RUNDC3B: variants seen among roughly 807,000 people sequenced by gnomAD.
RUNDC3B encodes the protein RUN domain-containing protein 3B.
Under a neutral mutation model 58.4 loss-of-function variants are expected in RUNDC3B, and 33 were observed. The ratio of observed to expected loss-of-function variants is 0.56; its 90% CI spans 0.43 to 0.75. RUNDC3B has a LOEUF of 0.75. Among genes scored for constraint, RUNDC3B ranks in the 30% least tolerant of loss-of-function variants. The pLI, the probability that RUNDC3B is intolerant of heterozygous loss-of-function variation, is 0.00. For missense variants in RUNDC3B, 501 were observed against 535.7 expected, an observed-to-expected ratio of 0.94 and a Z score of 0.64; for synonymous variants, 193 against 195.2, an observed-to-expected ratio of 0.99 and a Z score of 0.10.
At chr7:87,694,056 T>C (rs937297350) in intron 2 of RUNDC3B, 3 of 1,558,758 alleles carry the variant, frequency 1.9e-6, no homozygotes, top group African/African-American at 1.4e-5. Flanking sequence ...TCTTTTTTAG[T>C]ACATTGCATG....
chr7:87,742,835 C>T (rs1381406552), intron 6 of RUNDC3B, among the ~76,000 whole-genome samples: 9 of 152,032 alleles, frequency 5.9e-5, no homozygotes, highest in Admixed American at 2.0e-4. Flanking sequence ...GAACTAAGGC[C>T]GGGCACAGTG....
intron 9 of RUNDC3B, among the ~76,000 whole-genome samples, chr7:87,808,334 G>C (rs1386118689): frequency 6.6e-6 from 1 of 150,590 alleles, no homozygotes; most frequent in African/African-American, 2.4e-5. Context: ...TAGAGTCCTT[G>C]CTTGTAAATT....
chr7:87,813,807 G>T (rs1836863556), intron 9 of RUNDC3B, among the ~76,000 whole-genome samples: 1 of 151,354 alleles, frequency 6.6e-6, no homozygotes. Context: ...GTGAAACCCC[G>T]TCTCTACTAA....
intron 1 of RUNDC3B, among the ~76,000 whole-genome samples, chr7:87,642,297 T>C (rs1171740972): frequency 6.6e-6 from 1 of 152,098 alleles, no homozygotes; most frequent in Non-Finnish European, 1.5e-5. Context: ...CATTCTAGTG[T>C]TGATAAACCA....
chr7:87,757,240 C>T lies in RUNDC3B; in HGVS notation c.630-13341C>T, dbSNP rs536962356. ...ATTTTACTCTAAGAATGTACCTTACCTCCTATATACTATAGTTATGCTTGA... is the reference window on the plus strand; with the variant it reads ...ATTTTACTCTAAGAATGTACCTTACTTCCTATATACTATAGTTATGCTTGA... On this transcript the variant is annotated intron_variant, in intron 6 of 10. Coordinates refer to ENST00000394654, the MANE Select transcript of RUNDC3B (RefSeq NM_001134405.2). Among the ~76,000 whole-genome samples the T allele has an allele frequency of 1.2e-4, 19 of 152,094 alleles. No individual in the cohort carries two copies. In the South Asian group the frequency reaches 3.9e-3, roughly 32 times the overall value.
In RUNDC3B at chr7:87,757,605, A is replaced by G. The variant is rs531249908; in HGVS notation, c.630-12976A>G. ...TCCCATCACACCAAGCAATCTATAG[A>G]CCCAATGTATTTGCTGTCAAAATAC... On this transcript the variant is annotated intron_variant, in intron 6 of 10. Coordinates refer to ENST00000394654, the MANE Select transcript of RUNDC3B (RefSeq NM_001134405.2). Among the ~76,000 whole-genome samples, 8 of 152,258 alleles carry G rather than the reference A, an allele frequency of 5.3e-5. No homozygotes were observed. The South Asian group carries it at 1.7e-3, about 32-fold the overall frequency.
intron 2 of RUNDC3B, among the ~76,000 whole-genome samples, chr7:87,686,577 A>G (rs925194573): frequency 1.3e-5 from 2 of 152,176 alleles, no homozygotes; most frequent in African/African-American, 2.4e-5. Context: ...TGTAAACTTC[A>G]GCTTGGTGAC....
chr7:87,719,878 T>A (rs1179433080), intron 4 of RUNDC3B, among the ~76,000 whole-genome samples: 1 of 150,396 alleles, frequency 6.6e-6, no homozygotes, highest in Non-Finnish European at 1.5e-5. Flanking sequence ...CATTTCAGGA[T>A]GAGATAAAAC....
chr7:87,671,011 A>G (rs188175105), intron 2 of RUNDC3B, among the ~76,000 whole-genome samples: 1 of 152,174 alleles, frequency 6.6e-6, no homozygotes, highest in African/African-American at 2.4e-5. Flanking sequence ...GCAGCAGAGA[A>G]AGGGATCTTA....
intron 1 of RUNDC3B, among the ~76,000 whole-genome samples, chr7:87,636,457 TTCTG>T (rs1304024263): frequency 2.0e-5 from 3 of 152,194 alleles, no homozygotes; most frequent in Non-Finnish European, 2.9e-5. Flanking sequence ...TCTTTGTACA[TTCTG>T]TATGGGAATC....
intron 8 of RUNDC3B, among the ~76,000 whole-genome samples, chr7:87,788,908 C>T (rs769727395): frequency 1.3e-5 from 2 of 151,936 alleles, no homozygotes; most frequent in Non-Finnish European, 2.9e-5. Context: ...ATACTTTGTA[C>T]CTGAGATTGC....
chr7:87,825,342 C>G (rs1457906395), intron 10 of RUNDC3B, among the ~76,000 whole-genome samples: 1 of 152,178 alleles, frequency 6.6e-6, no homozygotes, highest in Admixed American at 6.5e-5. Context: ...GTCTAAGCCC[C>G]AAGCCTTGGC....
intron 2 of RUNDC3B, among the ~76,000 whole-genome samples, chr7:87,694,483 A>C (rs1563139716): frequency 6.6e-6 from 1 of 152,170 alleles, no homozygotes; most frequent in Non-Finnish European, 1.5e-5. Flanking sequence ...TGCTTAGAAA[A>C]GCAATATAGT....
chr7:87,629,073 G>T, intron 1 of RUNDC3B, 128 bp downstream of exon 1: 2 of 935,628 alleles, frequency 2.1e-6, no homozygotes, highest in Non-Finnish European at 2.8e-6. Context: ...TGTTGCGCCA[G>T]CCAAATCTGT....
At chr7:87,661,144 G>T (rs1824667444) in intron 2 of RUNDC3B, among the ~76,000 whole-genome samples, 1 of 151,774 alleles carries the variant, frequency 6.6e-6, no homozygotes, top group Admixed American at 6.6e-5. Flanking sequence ...TGGGTACATA[G>T]TAGGTGTATA....
intron 10 of RUNDC3B, among the ~76,000 whole-genome samples, chr7:87,823,754 C>A (rs1481703833): frequency 6.6e-6 from 1 of 151,400 alleles, no homozygotes. Context: ...TTAATTCATT[C>A]CTTTTTATGA....
intron 3 of RUNDC3B, chr7:87,709,564 A>T: frequency 1.0e-6 from 1 of 965,966 alleles, no homozygotes; most frequent in Non-Finnish European, 1.2e-6. Flanking sequence ...TCTTCCCAGT[A>T]GTACTGCTGC....
rs1028673049 is a variant in RUNDC3B at position 87,651,115 on chromosome 7, C to A, written c.238+178C>A. Among the ~76,000 whole-genome samples, 36 of 152,152 alleles carry A rather than the reference C, an allele frequency of 2.4e-4. 1 individual carries two copies. The highest frequency in any genetic ancestry group is 8.2e-4 in the African/African-American group (34 of 41,432). ...TCTGTTCTCAGATTTACACCTATTT[C>A]TGGGATGCATTGAAAATGTTGTGTT... is the stretch of plus-strand genomic sequence containing the variant. On this transcript the variant is annotated intron_variant, in intron 2 of 10. Transcript: ENST00000394654.
At chr7:87,644,281 T>G (rs1822760082) in intron 1 of RUNDC3B, among the ~76,000 whole-genome samples, 1 of 152,254 alleles carries the variant, frequency 6.6e-6, no homozygotes, top group Non-Finnish European at 1.5e-5. Flanking sequence ...TAGTCACTGC[T>G]TATATTATGT....
Sources: gnomAD v4.1 joint callset for allele counts (sites outside exome capture counted in the v4.1 genomes callset) on GRCh38, gnomAD v4.1.1 for gene constraint, MANE v1.5 for transcripts, NCBI Gene and HGNC (gene_info 2026-07-23, HGNC 2026-07-21) for gene names.